Variants in DMD observed in about 807,000 individuals in gnomAD.
The protein encoded by DMD is mutant dystrophin.
Under a neutral mutation model 330.1 loss-of-function variants are expected in DMD, and 63 were observed. That is an observed-to-expected ratio of 0.19 (90% CI 0.16 to 0.24). DMD has a LOEUF of 0.24. DMD is among the 10% of genes least tolerant of loss of function. The probability of loss-of-function intolerance (pLI) is 1.00; values close to 1 mark genes in which losing one functional copy is unlikely to be tolerated. For synonymous variants in DMD, 1,223 were observed against 959.8 expected, an observed-to-expected ratio of 1.27 and a Z score of -5.07; for missense variants, 3,344 against 2,684.1, an observed-to-expected ratio of 1.25 and a Z score of -5.43.
chrX:31,160,346 G>A, intron 74 of DMD, among the ~76,000 whole-genome samples: 1 of 111,319 alleles, frequency 9.0e-6, no homozygotes, highest in South Asian at 3.9e-4. Context: ...CAGGGTAACT[G>A]CTTCACCACT....
intron 7 of DMD, among the ~76,000 whole-genome samples, chrX:32,729,792 T>C (rs1174352523): frequency 2.7e-5 from 3 of 111,983 alleles, no homozygotes; most frequent in Non-Finnish European, 3.8e-5. Flanking sequence ...CTTTTGACTT[T>C]CCTATCAAAG....
At chrX:31,188,591 G>A (rs1441306354) in intron 67 of DMD, among the ~76,000 whole-genome samples, 1 of 112,018 alleles carries the variant, frequency 8.9e-6, no homozygotes, top group Non-Finnish European at 1.9e-5. Flanking sequence ...CCTGGGTTTT[G>A]TTTTGTTTGT....
chrX:31,163,140 A>G (rs754207968), intron 74 of DMD, among the ~76,000 whole-genome samples: 12 of 111,841 alleles, frequency 1.1e-4, no homozygotes, highest in African/African-American at 3.3e-5. Flanking sequence ...CAAATGATAT[A>G]GTTTGGCTGG....
At chrX:32,069,650 C>T (rs1290506319) in intron 44 of DMD, among the ~76,000 whole-genome samples, 1 of 111,777 alleles carries the variant, frequency 8.9e-6, no homozygotes, top group Non-Finnish European at 1.9e-5. Context: ...TTAATGACTG[C>T]ATACAATTTC....
chrX:31,614,928 A>C (rs2078116378), intron 55 of DMD, among the ~76,000 whole-genome samples: 1 of 112,274 alleles, frequency 8.9e-6, no homozygotes, highest in African/African-American at 3.2e-5. Flanking sequence ...GAATTATGAA[A>C]GGCACAAGAG....
At chrX:32,978,054 C>T (rs892565727) in intron 2 of DMD, among the ~76,000 whole-genome samples, 2 of 111,747 alleles carry the variant, frequency 1.8e-5, no homozygotes, top group African/African-American at 6.5e-5. Context: ...TATAGCTGAC[C>T]TTTACTGGGT....
intron 44 of DMD, among the ~76,000 whole-genome samples, chrX:32,187,673 C>T (rs1187745585): frequency 4.5e-5 from 5 of 111,377 alleles, no homozygotes; most frequent in Admixed American, 9.6e-5. Flanking sequence ...TAATATAAAG[C>T]CTCCAAGAAA....
intron 47 of DMD, among the ~76,000 whole-genome samples, chrX:31,898,238 T>A (rs1382034062): frequency 9.1e-6 from 1 of 109,387 alleles, no homozygotes; most frequent in South Asian, 4.1e-4. Context: ...AAGCTACCAA[T>A]GCCTTTCTTC....
chrX:31,495,611 T>C (rs967303175), intron 57 of DMD, among the ~76,000 whole-genome samples: 3 of 111,966 alleles, frequency 2.7e-5, no homozygotes, highest in African/African-American at 9.7e-5. Context: ...TTATAAAAAT[T>C]GGTAAAATTG....
At chrX:32,445,107 C>A (rs1029199078) in intron 27 of DMD, among the ~76,000 whole-genome samples, 1 of 111,639 alleles carries the variant, frequency 9.0e-6, no homozygotes, top group Non-Finnish European at 1.9e-5. Flanking sequence ...AAGCTGTTGA[C>A]AAGCGTCAGC....
rs1244899521 is a variant in DMD at position 33,154,228 on chromosome X, C to T, written c.31+57054G>A. Among the ~76,000 whole-genome samples the T allele has an allele frequency of 5.4e-5, 6 of 110,954 alleles. No homozygotes were observed. The Admixed American group carries it at 5.8e-4, about 11-fold the overall frequency. On this transcript the variant is annotated intron_variant, in intron 1 of 78. Transcript: ENST00000357033. ...CCTGATCAACACAGTGAAACCCTGT[C>T]TCTACTAAAAATACAAAAATTAGCC...
In DMD at chrX:33,199,616, T is replaced by C. The variant is rs759321457; in HGVS notation, c.31+11666A>G. On this transcript the variant is annotated intron_variant, in intron 1 of 78. Coordinates refer to ENST00000357033, the MANE Select transcript of DMD (RefSeq NM_004006.3). ...GCTAGAGGTATAACTTGGTTAGTTA[T>C]CTGTATATAAGTGTTAATAAAGCTG... Among the ~76,000 whole-genome samples the C allele has an allele frequency of 2.3e-4, 26 of 111,514 alleles. No homozygotes were observed. The Admixed American group carries it at 2.4e-3, about 10-fold the overall frequency.
At chrX:31,466,238 G>A (rs957893525) in intron 59 of DMD, among the ~76,000 whole-genome samples, 3 of 111,828 alleles carry the variant, frequency 2.7e-5, no homozygotes, top group Admixed American at 1.9e-4. Context: ...TGTTTTAGTC[G>A]TGAAGTCTTT....
At chrX:32,389,476 C>T (rs200409477) in intron 32 of DMD, 25 bp downstream of exon 32, 101 of 1,202,292 alleles carry the variant, frequency 8.4e-5, no homozygotes, top group African/African-American at 1.1e-4. Flanking sequence ...GGGGTACCTG[C>T]GTATTTGCCA....
At chrX:32,763,062 TATG>T (rs1009663551) in intron 7 of DMD, among the ~76,000 whole-genome samples, 11 of 109,588 alleles carry the variant, frequency 1.0e-4, no homozygotes, top group Admixed American at 2.9e-4. Flanking sequence ...GGGTCATTTA[TATG>T]ATATGTCAGG....
chrX:32,487,186 C>T (rs1044560130), intron 20 of DMD, among the ~76,000 whole-genome samples: 1 of 111,492 alleles, frequency 9.0e-6, no homozygotes, highest in Admixed American at 9.5e-5. Flanking sequence ...AAAAAGTGGG[C>T]GAAGGGCATG....
intron 2 of DMD, among the ~76,000 whole-genome samples, chrX:32,860,714 A>C (rs893838026): frequency 9.0e-6 from 1 of 111,051 alleles, no homozygotes; most frequent in African/African-American, 3.3e-5. Flanking sequence ...CAAACCGAAC[A>C]TATTTATATT....
intron 1 of DMD, among the ~76,000 whole-genome samples, chrX:33,228,233 G>T (rs1487734235): frequency 9.2e-6 from 1 of 108,768 alleles, no homozygotes; most frequent in Non-Finnish European, 1.9e-5. Context: ...TGAGAAGTAT[G>T]ATGTTATTGA....
At chrX:31,538,127 G>A (rs1266628431) in intron 55 of DMD, among the ~76,000 whole-genome samples, 2 of 111,922 alleles carry the variant, frequency 1.8e-5, no homozygotes, top group Non-Finnish European at 3.8e-5. Flanking sequence ...TTGCTTGTAT[G>A]ATGGAATCTG....
Sources: gnomAD v4.1 joint callset for allele counts (sites outside exome capture counted in the v4.1 genomes callset) on GRCh38, gnomAD v4.1.1 for gene constraint, MANE v1.5 for transcripts, NCBI Gene and HGNC (gene_info 2026-07-23, HGNC 2026-07-21) for gene names.